Variants in CCNJL observed in about 807,000 individuals in gnomAD.
CCNJL encodes cyclin J like, also known as cyclin-J-like protein.
Under a neutral mutation model 33.4 loss-of-function variants are expected in CCNJL, and 33 were observed. That is an observed-to-expected ratio of 0.99 (90% confidence interval 0.75 to 1.32). CCNJL has a LOEUF of 1.32. CCNJL is among the 40% of genes most tolerant of loss of function. The pLI is 0.00. For missense variants in CCNJL, 512 were observed against 499.7 expected, an observed-to-expected ratio of 1.02 and a Z score of -0.23; for synonymous variants, 227 against 220.9, an observed-to-expected ratio of 1.03 and a Z score of -0.24.
intron 2 of CCNJL, among the ~76,000 whole-genome samples, chr5:160,295,741 A>G (rs1001113481): frequency 6.6e-6 from 1 of 152,182 alleles, no homozygotes; most frequent in Non-Finnish European, 1.5e-5. Flanking sequence ...CTGCTGCCAA[A>G]TGATAGAAGA....
intron 3 of CCNJL, among the ~76,000 whole-genome samples, chr5:160,260,726 C>A (rs910758173): frequency 2.0e-5 from 3 of 152,128 alleles, no homozygotes; most frequent in Non-Finnish European, 4.4e-5. Context: ...TGGCCGTGGA[C>A]CCTGTCCTTG....
chr5:160,315,487 A>G, upstream of CCNJL: 1 of 399,558 alleles, frequency 2.5e-6, no homozygotes, highest in African/African-American at 2.0e-5. Context: ...AGCCTGGGCA[A>G]CAGAGCGAGA....
At chr5:160,270,481 C>A (rs538336142) in intron 3 of CCNJL, among the ~76,000 whole-genome samples, 2 of 151,418 alleles carry the variant, frequency 1.3e-5, no homozygotes, top group Non-Finnish European at 2.9e-5. Context: ...GTGGTATGGA[C>A]GCGCCTGTGG....
intron 1 of CCNJL, among the ~76,000 whole-genome samples, chr5:160,327,503 C>G (rs1581022492): frequency 6.6e-6 from 1 of 152,326 alleles, no homozygotes; most frequent in African/African-American, 2.4e-5. Flanking sequence ...CTCTGGCTGC[C>G]AAAGCCTTCT....
At chr5:160,268,605 G>T (rs139403242) in intron 3 of CCNJL, among the ~76,000 whole-genome samples, 31 of 152,334 alleles carry the variant, frequency 2.0e-4, no homozygotes, top group Non-Finnish European at 4.4e-4. Context: ...CCCTTCATCT[G>T]TAAGAGGGTG....
chr5:160,277,382 C>A (rs945960407), intron 3 of CCNJL, among the ~76,000 whole-genome samples: 18 of 152,160 alleles, frequency 1.2e-4, no homozygotes, highest in African/African-American at 4.3e-4. Flanking sequence ...GTGGGATTTC[C>A]ACGTTGTCAA....
intron 3 of CCNJL, among the ~76,000 whole-genome samples, chr5:160,264,547 T>C (rs1361803129): frequency 3.3e-5 from 5 of 152,098 alleles, no homozygotes; most frequent in Non-Finnish European, 7.4e-5. Context: ...ACTGGCTTTT[T>C]TTTTTTTAAT....
intron 3 of CCNJL, among the ~76,000 whole-genome samples, chr5:160,260,461 G>A (rs1038247441): frequency 2.0e-5 from 3 of 152,150 alleles, no homozygotes; most frequent in African/African-American, 7.2e-5. Context: ...ATCCTACTGA[G>A]GAATTCTGAG....
Position 160,252,389 on chromosome 5 carries a change from C to G in CCNJL, c.*989G>C, listed in dbSNP as rs1367241857. 1 of 152,394 alleles carries G rather than the reference C, an allele frequency of 6.6e-6. No homozygotes were observed. The highest frequency in any genetic ancestry group is 2.1e-4 in the South Asian group (1 of 4,828). The allele number at this position is 152,394 out of a possible 1,614,324, so 9.4% of individuals were successfully genotyped here. ...CTCAAAGCCTAGACTGGGTTAAACT[C>G]ATGCCCTGTAAGTATGTGGTGGAGA... is the stretch of plus-strand genomic sequence containing the variant. On this transcript the variant is annotated 3_prime_UTR_variant, in exon 6 of 6. Transcript: ENST00000257536.
chr5:160,320,826 T>TTTCC (rs1763435915), intron 1 of CCNJL, among the ~76,000 whole-genome samples: 17 of 115,012 alleles, frequency 1.5e-4, no homozygotes, highest in African/African-American at 5.1e-4. Flanking sequence ...TCTTTCTTTC[T>TTTCC]TTCTTTCTTT....
At chr5:160,270,353 A>T (rs1193972757) in intron 3 of CCNJL, among the ~76,000 whole-genome samples, 1 of 152,152 alleles carries the variant, frequency 6.6e-6, no homozygotes, top group Non-Finnish European at 1.5e-5. Context: ...CTGTGGCAGG[A>T]GAATCATTTG....
chr5:160,308,245 CTTAAG>C (rs765598724), intron 2 of CCNJL, among the ~76,000 whole-genome samples: 3 of 152,332 alleles, frequency 2.0e-5, no homozygotes, highest in East Asian at 1.9e-4. Flanking sequence ...TCACACTGTT[CTTAAG>C]TTATCTCACT....
chr5:160,250,231 G>C lies in CCNJL; in HGVS notation c.*3147C>G, dbSNP rs1482125425. On this transcript the variant is annotated 3_prime_UTR_variant, in exon 6 of 6. Coordinates refer to ENST00000257536, the MANE Select transcript of CCNJL (RefSeq NM_001308173.3). ...ATCCACCAACTTGACCATCTCCATAGTAACAGATGGAGAAATGGAAGCCCA... is the reference window on the plus strand; with the variant it reads ...ATCCACCAACTTGACCATCTCCATACTAACAGATGGAGAAATGGAAGCCCA... 1 of 152,226 alleles carries C rather than the reference G, an allele frequency of 6.6e-6. No homozygotes were observed. The highest frequency in any genetic ancestry group is 1.5e-5 in the Non-Finnish European group (1 of 68,048). 9.4% of individuals were successfully genotyped at this position (152,226 alleles called of 1,614,324 possible).
chr5:160,326,729 G>T (rs891395853), intron 1 of CCNJL: 2 of 924,736 alleles, frequency 2.2e-6, no homozygotes, highest in Non-Finnish European at 3.5e-6. Context: ...AGTGCAGAAG[G>T]TTATGGTGCA....
intron 3 of CCNJL, among the ~76,000 whole-genome samples, chr5:160,261,711 A>AC (rs1173518711): frequency 1.3e-5 from 2 of 148,208 alleles, no homozygotes; most frequent in Non-Finnish European, 3.0e-5. Flanking sequence ...TCTTCCCCTC[A>AC]CCCCCCTTAT....
Position 160,311,742 on chromosome 5 carries a change from G to A in CCNJL, c.66+116C>T, listed in dbSNP as rs1763265964. ...TCCGGGAGAAGGTAAAGGGTAAGAG[G>A]AAAAAAAGGCACCCGGGAGTTCTGA... On this transcript the variant is annotated intron_variant, in intron 2 of 5. Transcript: ENST00000257536. 40 of 961,504 alleles carry A rather than the reference G, an allele frequency of 4.2e-5. 1 individual carries two copies. In the South Asian group the frequency reaches 5.0e-4, roughly 12 times the overall value. The allele number at this position is 961,504 out of a possible 1,614,324, so 59.6% of individuals were successfully genotyped here.
At chr5:160,280,452 T>C in intron 3 of CCNJL, 73 bp downstream of exon 3, 2 of 1,207,744 alleles carry the variant, frequency 1.7e-6, no homozygotes, top group South Asian at 2.5e-5. Flanking sequence ...TGTAAAGTGA[T>C]TTGGAAGCAG....
chr5:160,329,343 A>C (rs1393606693), intron 1 of CCNJL, among the ~76,000 whole-genome samples: 1 of 150,712 alleles, frequency 6.6e-6, no homozygotes, highest in Non-Finnish European at 1.5e-5. Context: ...TATGATAAGG[A>C]AGTCTTCTTT....
At chr5:160,302,816 A>C (rs949364698) in intron 2 of CCNJL, among the ~76,000 whole-genome samples, 1 of 85,408 alleles carries the variant, frequency 1.2e-5, no homozygotes. Context: ...TGTCTCAATA[A>C]AAAAAAAAAA....
Sources: gnomAD v4.1 joint callset for allele counts (sites outside exome capture counted in the v4.1 genomes callset) on GRCh38, gnomAD v4.1.1 for gene constraint, MANE v1.5 for transcripts, NCBI Gene and HGNC (gene_info 2026-07-23, HGNC 2026-07-21) for gene names.